Variants in FAT3 observed in about 807,000 individuals in gnomAD.
FAT3 encodes FAT atypical cadherin 3, also known as protocadherin Fat 3.
Under a neutral mutation model 310.2 loss-of-function variants are expected in FAT3, and 95 were observed. The ratio of observed to expected loss-of-function variants is 0.31; its 90% confidence interval spans 0.26 to 0.36. The LOEUF (loss-of-function observed/expected upper bound fraction) is 0.36. FAT3 is among the 10% of genes least tolerant of loss of function. The probability of loss-of-function intolerance (pLI) is 1.00; values close to 1 mark genes in which losing one functional copy is unlikely to be tolerated. For missense variants in FAT3, 5,408 were observed against 5,715.6 expected, an observed-to-expected ratio of 0.95 and a Z score of 1.74; for synonymous variants, 2,314 against 2,192.9, an observed-to-expected ratio of 1.06 and a Z score of -1.54.
At chr11:92,361,531 G>A (rs1948883158) in intron 2 of FAT3, among the ~76,000 whole-genome samples, 1 of 152,126 alleles carries the variant, frequency 6.6e-6, no homozygotes, top group Non-Finnish European at 1.5e-5. Flanking sequence ...TGCCATATGA[G>A]GACACCTAGC....
At position 92,814,015 on chromosome 11, in the gene FAT3, CT is replaced by C. The variant is rs1947753316; in HGVS notation, c.9481+3941del. ...TAAAAGAGGCTTCAGGGAGCCTGTT[CT>C]TCTCTTCTGTCATGCAAGAACATCT... On this transcript the variant is annotated intron_variant, in intron 13 of 27. Coordinates refer to ENST00000525166, the MANE Select transcript of FAT3 (RefSeq NM_001367949.2). Among the ~76,000 whole-genome samples the C allele has an allele frequency of 1.3e-5, 2 of 152,206 alleles. 1 individual carries two copies. Among genetic ancestry groups the C allele is most frequent in the South Asian group, 4.1e-4 (2 of 4,822 alleles).
intron 2 of FAT3, among the ~76,000 whole-genome samples, chr11:92,356,554 C>T (rs1452759482): frequency 6.6e-6 from 1 of 152,182 alleles, no homozygotes; most frequent in Non-Finnish European, 1.5e-5. Context: ...TTGCCAACTA[C>T]CAACTTCTTT....
At chr11:92,471,880 G>C (rs1005883094) in intron 2 of FAT3, among the ~76,000 whole-genome samples, 2 of 139,458 alleles carry the variant, frequency 1.4e-5, no homozygotes, top group Non-Finnish European at 3.0e-5. Flanking sequence ...ATTATTGAAA[G>C]GTAAAAGTCT....
intron 2 of FAT3, among the ~76,000 whole-genome samples, chr11:92,471,480 CAAATT>C (rs1951901234): frequency 6.6e-6 from 1 of 151,934 alleles, no homozygotes; most frequent in South Asian, 2.1e-4. Context: ...ATCAGGGAGA[CAAATT>C]AAAATGACAA....
intron 1 of FAT3, among the ~76,000 whole-genome samples, chr11:92,256,932 T>C (rs1000769670): frequency 1.3e-5 from 2 of 152,134 alleles, no homozygotes; most frequent in African/African-American, 4.8e-5. Flanking sequence ...ATCTCAGCTG[T>C]TGGGAAGCTT....
At chr11:92,246,491 G>T (rs1352410319) in intron 1 of FAT3, among the ~76,000 whole-genome samples, 1 of 152,106 alleles carries the variant, frequency 6.6e-6, no homozygotes, top group Non-Finnish European at 1.5e-5. Flanking sequence ...GTATACCTTG[G>T]ACTGGAAAAG....
At chr11:92,247,613 C>A (rs1056473985) in intron 1 of FAT3, among the ~76,000 whole-genome samples, 4 of 151,946 alleles carry the variant, frequency 2.6e-5, no homozygotes, top group African/African-American at 9.7e-5. Context: ...GTCTTCCTAC[C>A]AAGCATTACC....
intron 2 of FAT3, among the ~76,000 whole-genome samples, chr11:92,356,183 GTTCA>G (rs1436885485): frequency 1.3e-5 from 2 of 152,020 alleles, no homozygotes; most frequent in African/African-American, 4.8e-5. Flanking sequence ...TCTTTAAAAT[GTTCA>G]TGTGCCTGGA....
chr11:92,652,137 GT>G (rs1942402500), intron 3 of FAT3, among the ~76,000 whole-genome samples: 1 of 152,076 alleles, frequency 6.6e-6, no homozygotes, highest in Admixed American at 6.6e-5. Flanking sequence ...GAAACACAGG[GT>G]TTAGTAACAA....
At chr11:92,440,966 C>T (rs1336260366) in intron 2 of FAT3, among the ~76,000 whole-genome samples, 1 of 152,166 alleles carries the variant, frequency 6.6e-6, no homozygotes, top group Non-Finnish European at 1.5e-5. Flanking sequence ...TGTTTCCAAT[C>T]TCTTGCAGCA....
At chr11:92,854,820 C>G (rs922641597) in intron 19 of FAT3, among the ~76,000 whole-genome samples, 5 of 152,060 alleles carry the variant, frequency 3.3e-5, no homozygotes, top group African/African-American at 1.2e-4. Flanking sequence ...AACAGAACAG[C>G]CTATTAATGT....
chr11:92,252,522 A>T (rs146407169), intron 1 of FAT3, among the ~76,000 whole-genome samples: 6 of 152,254 alleles, frequency 3.9e-5, no homozygotes, highest in African/African-American at 1.4e-4. Context: ...CTTTGAGATG[A>T]CATCAAAGAG....
intron 4 of FAT3, among the ~76,000 whole-genome samples, chr11:92,758,012 T>A (rs1414996053): frequency 6.6e-6 from 1 of 152,156 alleles, no homozygotes; most frequent in African/African-American, 2.4e-5. Context: ...TGACCCCCCA[T>A]GAGTAGAATC....
At chr11:92,349,991 A>G (rs1313384750) in intron 1 of FAT3, among the ~76,000 whole-genome samples, 1 of 151,924 alleles carries the variant, frequency 6.6e-6, no homozygotes, top group East Asian at 1.9e-4. Flanking sequence ...AAAAAAAAAA[A>G]AAAGAAAAGC....
At chr11:92,438,397 T>C (rs1486032145) in intron 2 of FAT3, among the ~76,000 whole-genome samples, 1 of 152,188 alleles carries the variant, frequency 6.6e-6, no homozygotes, top group Non-Finnish European at 1.5e-5. Context: ...ACAATAGTTA[T>C]CCTTGGGTGG....
intron 22 of FAT3, among the ~76,000 whole-genome samples, chr11:92,877,974 T>G (rs1002093970): frequency 3.3e-5 from 5 of 152,218 alleles, no homozygotes; most frequent in Non-Finnish European, 7.3e-5. Flanking sequence ...GAGTATATAT[T>G]GCTTTCACAC....
intron 4 of FAT3, among the ~76,000 whole-genome samples, chr11:92,733,866 G>A (rs1945263171): frequency 6.6e-6 from 1 of 152,180 alleles, no homozygotes; most frequent in Non-Finnish European, 1.5e-5. Flanking sequence ...AATACTTCTT[G>A]ATATTCTTTA....
At chr11:92,743,979 C>T (rs1021740584) in intron 4 of FAT3, among the ~76,000 whole-genome samples, 1 of 152,160 alleles carries the variant, frequency 6.6e-6, no homozygotes, top group African/African-American at 2.4e-5. Flanking sequence ...ACTTCTCAGC[C>T]TCTATAACTG....
chr11:92,798,238 A>G lies in FAT3; in HGVS notation c.5225A>G (p.Gln1742Arg). Reference sequence around the variant, plus strand: ...ACATCCTCTTATCAACTCATCATTCAGGCCACCAATATGGCAGGAATGGCT... The same window carrying G: ...ACATCCTCTTATCAACTCATCATTCGGGCCACCAATATGGCAGGAATGGCT... Reference protein sequence around the residue: ...ERTSSYQLIIQATNMAGMASN... With the variant: ...ERTSSYQLIIRATNMAGMASN... The change falls in exon 10 of 28, where the codon CAG becomes CGG. Residue 1742 changes from glutamine to arginine, a missense_variant. This residue lies in a region of FAT3 where 4,588 missense variants were observed against 4,809.8 expected (regional missense o/e 0.95). Coordinates refer to ENST00000525166, the MANE Select transcript of FAT3 (RefSeq NM_001367949.2). 1 of 1,613,964 alleles carries G rather than the reference A, an allele frequency of 6.2e-7. No homozygotes were observed. Among genetic ancestry groups the G allele is most frequent in the Non-Finnish European group, 8.5e-7 (1 of 1,179,856 alleles).
Sources: allele counts gnomAD v4.1 joint callset (sites outside exome capture counted in the v4.1 genomes callset), GRCh38; gene constraint gnomAD v4.1.1; regional missense constraint gnomAD v4.1.1; transcripts MANE v1.5; gene names NCBI Gene and HGNC (gene_info 2026-07-23, HGNC 2026-07-21).